Variants in RNF38 observed in about 807,000 individuals in gnomAD.
RNF38 encodes E3 ubiquitin-protein ligase RNF38.
Under a neutral mutation model 67.2 loss-of-function variants are expected in RNF38, and 15 were observed. The ratio of observed to expected loss-of-function variants is 0.22; its 90% CI spans 0.15 to 0.34. The LOEUF (loss-of-function observed/expected upper bound fraction) is 0.34, where lower values mean the gene tolerates loss of function less well. Among genes scored for constraint, RNF38 ranks in the 10% least tolerant of loss-of-function variants. The probability of loss-of-function intolerance (pLI) is 1.00; values close to 1 mark genes in which losing one functional copy is unlikely to be tolerated. For missense variants in RNF38, 524 were observed against 639.9 expected, an observed-to-expected ratio of 0.82 and a Z score of 1.95; for synonymous variants, 220 against 218.8, an observed-to-expected ratio of 1.01 and a Z score of -0.05.
At chr9:36,451,775 C>A (rs1420340235) in intron 1 of RNF38, among the ~76,000 whole-genome samples, 3 of 151,682 alleles carry the variant, frequency 2.0e-5, no homozygotes, top group African/African-American at 7.3e-5. Flanking sequence ...GCTGGGATTA[C>A]AGGCATTAGC....
chr9:36,356,672 T>G (rs1283353267), intron 5 of RNF38, among the ~76,000 whole-genome samples, 199 bp from the exon 6 acceptor site: 1 of 151,624 alleles, frequency 6.6e-6, no homozygotes, highest in African/African-American at 2.4e-5. Flanking sequence ...CTATTCTGTA[T>G]TTTATATAAT....
At chr9:36,451,080 A>G (rs1314263876) in intron 1 of RNF38, among the ~76,000 whole-genome samples, 1 of 152,230 alleles carries the variant, frequency 6.6e-6, no homozygotes, top group East Asian at 1.9e-4. Context: ...AACACAGAGG[A>G]CTGTGTTAAT....
At chr9:36,373,718 G>A (rs1161996330) in intron 3 of RNF38, among the ~76,000 whole-genome samples, 3 of 151,282 alleles carry the variant, frequency 2.0e-5, no homozygotes, top group African/African-American at 7.3e-5. Flanking sequence ...CAGGTGATCC[G>A]CCTGCCTCGG....
intron 2 of RNF38, among the ~76,000 whole-genome samples, chr9:36,376,393 A>G (rs1835787152): frequency 6.6e-6 from 1 of 152,218 alleles, no homozygotes; most frequent in South Asian, 2.1e-4. Context: ...AGGTAACGAC[A>G]TATAGGGTAT....
At chr9:36,411,157 CAAA>C (rs199916194) in intron 2 of RNF38, among the ~76,000 whole-genome samples, 4 of 67,590 alleles carry the variant, frequency 5.9e-5, no homozygotes, top group Non-Finnish European at 1.0e-4. Flanking sequence ...AACTGAACAG[CAAA>C]AAAAAAAAAA....
At chr9:36,454,568 T>C (rs1247099642) in intron 1 of RNF38, among the ~76,000 whole-genome samples, 1 of 148,144 alleles carries the variant, frequency 6.8e-6, no homozygotes, top group East Asian at 2.0e-4. Flanking sequence ...ATATCAATTA[T>C]ACATTAATTT....
intron 1 of RNF38, among the ~76,000 whole-genome samples, chr9:36,441,403 T>G (rs1839187981): frequency 6.6e-6 from 1 of 151,892 alleles, no homozygotes; most frequent in Non-Finnish European, 1.5e-5. Context: ...CTCAGCTCAC[T>G]GCAACCTCCG....
intron 1 of RNF38, among the ~76,000 whole-genome samples, chr9:36,433,988 C>G (rs1021070363): frequency 6.6e-6 from 1 of 151,664 alleles, no homozygotes; most frequent in Non-Finnish European, 1.5e-5. Flanking sequence ...CCTGTAATTC[C>G]AGACTTAGGG....
chr9:36,352,697 A>G, intron 8 of RNF38, 45 bp downstream of exon 8: 2 of 1,325,664 alleles, frequency 1.5e-6, no homozygotes, highest in Non-Finnish European at 2.2e-6. Context: ...AGAGAATCTC[A>G]AGAGTTTCAA....
At position 36,341,514 on chromosome 9, in the gene RNF38, A is replaced by G. The variant is rs59172336; in HGVS notation, c.1485+811T>C. On this transcript the variant is annotated intron_variant, in intron 11 of 11. Coordinates refer to ENST00000259605, the MANE Select transcript of RNF38 (RefSeq NM_022781.5). ...TATTAAAATTCTTTTACTGTATCAC[A>G]TTTTACTGTATCACAATTTGAGACT... 5.0e-3 allele frequency among the ~76,000 whole-genome samples: 756 copies of G among 152,172 alleles called. 6 individuals carry two copies. The highest frequency in any genetic ancestry group is 0.021 in the Middle Eastern group (6 of 292).
intron 2 of RNF38, among the ~76,000 whole-genome samples, chr9:36,421,871 G>A (rs916907500): frequency 2.6e-5 from 4 of 151,976 alleles, no homozygotes; most frequent in Non-Finnish European, 5.9e-5. Flanking sequence ...TATATGTAGC[G>A]ATCTGATTTT....
chr9:36,478,284 G>T (rs1840167704), intron 1 of RNF38, among the ~76,000 whole-genome samples: 1 of 151,242 alleles, frequency 6.6e-6, no homozygotes, highest in Non-Finnish European at 1.5e-5. Context: ...GGCATCTGTA[G>T]TCCCAGCTAC....
At chr9:36,423,816 G>A (rs1450867353) in intron 2 of RNF38, among the ~76,000 whole-genome samples, 1 of 89,108 alleles carries the variant, frequency 1.1e-5, no homozygotes, top group African/African-American at 3.9e-5. Flanking sequence ...GGGCGTGGTG[G>A]CGGGCGCCTG....
At chr9:36,386,950 G>A (rs909748868) in intron 2 of RNF38, among the ~76,000 whole-genome samples, 3 of 152,206 alleles carry the variant, frequency 2.0e-5, no homozygotes, top group East Asian at 3.9e-4. Context: ...CCACAGGTGC[G>A]CACCACCACG....
At chr9:36,348,364 T>A (rs1833453594) in intron 9 of RNF38, among the ~76,000 whole-genome samples, 1 of 151,770 alleles carries the variant, frequency 6.6e-6, no homozygotes, top group Non-Finnish European at 1.5e-5. Flanking sequence ...TCCCAGCTAC[T>A]TAGGAGGCTG....
At chr9:36,484,521 C>G (rs1207851780) in intron 1 of RNF38, among the ~76,000 whole-genome samples, 1 of 152,096 alleles carries the variant, frequency 6.6e-6, no homozygotes. Context: ...CCCAACATTA[C>G]CAAATCTTAA....
At chr9:36,418,943 A>G (rs1838546819) in intron 2 of RNF38, among the ~76,000 whole-genome samples, 1 of 152,316 alleles carries the variant, frequency 6.6e-6, no homozygotes, top group Middle Eastern at 3.4e-3. Context: ...AGCCTGGGCA[A>G]TGGAGCAAGA....
At chr9:36,449,869 A>AT (rs1839395505) in intron 1 of RNF38, among the ~76,000 whole-genome samples, 1 of 152,098 alleles carries the variant, frequency 6.6e-6, no homozygotes, top group Non-Finnish European at 1.5e-5. Context: ...ATCATGTTTT[A>AT]TTTTTCATAG....
At chr9:36,391,006 A>G (rs1341743044) in intron 1 of RNF38, among the ~76,000 whole-genome samples, 4 of 152,240 alleles carry the variant, frequency 2.6e-5, no homozygotes, top group African/African-American at 9.6e-5. Context: ...ACCAAGATTA[A>G]TACTTTTTCT....
Sources: allele counts gnomAD v4.1 joint callset (sites outside exome capture counted in the v4.1 genomes callset), GRCh38; gene constraint gnomAD v4.1.1; transcripts MANE v1.5; gene names NCBI Gene and HGNC (gene_info 2026-07-23, HGNC 2026-07-21).